The following PPM1E variants were observed in gnomAD, a reference collection of about 807,000 sequenced individuals.
PPM1E encodes protein phosphatase, Mg2+/Mn2+ dependent 1E.
A neutral mutation model predicts 65.9 loss-of-function variants in PPM1E; 20 were observed. That is an observed-to-expected ratio of 0.30 (90% CI 0.21 to 0.44). The LOEUF (loss-of-function observed/expected upper bound fraction) is 0.44, where lower values mean the gene tolerates loss of function less well. Ranked by LOEUF, PPM1E falls within the 20% of genes least tolerant of loss-of-function variation. The pLI is 1.00. For synonymous variants in PPM1E, 352 were observed against 374.9 expected (o/e 0.94, Z 0.70); for missense variants, 713 against 953.1 (o/e 0.75, Z 3.32).
At chr17:58,800,891 T>G (rs940111572) in intron 1 of PPM1E, among the ~76,000 whole-genome samples, 3 of 152,128 alleles carry the variant, frequency 2.0e-5, no homozygotes, top group Non-Finnish European at 4.4e-5. Flanking sequence ...CTTTTGGCTT[T>G]ATTAATTTTT....
Position 58,972,250 on chromosome 17 carries a change from T to C in PPM1E, c.1091T>C (p.Met364Thr), listed in dbSNP as rs769470350. 3 of 1,614,032 alleles carry C rather than the reference T, an allele frequency of 1.9e-6. No homozygotes were observed. The highest frequency in any genetic ancestry group is 2.7e-5 in the African/African-American group (2 of 74,940). ...LVRKGQAVEL[M>T]KPHKPDREDE... ...AGAAAGGGCCAAGCTGTTGAACTAATGAAGCCACACAAACCAGACAGAGAG... is the reference window on the plus strand; with the variant it reads ...AGAAAGGGCCAAGCTGTTGAACTAACGAAGCCACACAAACCAGACAGAGAG... The change falls in exon 5 of 7, where the codon ATG becomes ACG. Residue 364 changes from methionine to threonine, a missense_variant. Physicochemically the swap from Met to Thr is moderately conservative, Grantham distance 81. Coordinates refer to ENST00000308249, the MANE Select transcript of PPM1E (RefSeq NM_014906.5).
At chr17:58,955,617 C>G in intron 1 of PPM1E, 32 bp from the exon 2 acceptor site, 1 of 1,608,962 alleles carries the variant, frequency 6.2e-7, no homozygotes, top group Non-Finnish European at 8.5e-7. Flanking sequence ...AATTCTTTTG[C>G]TGAAAATGGC....
At chr17:58,950,115 A>G (rs2052215095) in intron 1 of PPM1E, among the ~76,000 whole-genome samples, 1 of 152,222 alleles carries the variant, frequency 6.6e-6, no homozygotes, top group Non-Finnish European at 1.5e-5. Flanking sequence ...TATTCCCAGC[A>G]CTTTGGAAGG....
intron 1 of PPM1E, among the ~76,000 whole-genome samples, chr17:58,828,002 C>T (rs1007973819): frequency 4.0e-5 from 6 of 151,070 alleles, no homozygotes; most frequent in South Asian, 2.1e-4. Context: ...GCAGATCACC[C>T]GAGGTCAGGA....
At chr17:58,788,478 A>G (rs2144238282) in intron 1 of PPM1E, among the ~76,000 whole-genome samples, 1 of 152,306 alleles carries the variant, frequency 6.6e-6, no homozygotes, top group East Asian at 1.9e-4. Context: ...TTCACATACT[A>G]TTGTGAGGGA....
At chr17:58,890,821 G>A (rs981714178) in intron 1 of PPM1E, among the ~76,000 whole-genome samples, 3 of 151,974 alleles carry the variant, frequency 2.0e-5, no homozygotes, top group African/African-American at 4.8e-5. Flanking sequence ...CTGTGTACAT[G>A]CCTTGTATAA....
At position 58,844,259 on chromosome 17, in the gene PPM1E, A is replaced by T. The variant is rs1344297967; in HGVS notation, c.464+87798A>T. Among the ~76,000 whole-genome samples the T allele has an allele frequency of 7.9e-5, 12 of 152,316 alleles. No individual in the cohort carries two copies. The South Asian group carries it at 2.5e-3, about 32-fold the overall frequency. The stretch of plus-strand genomic sequence containing the variant: ...GAAGATTTTCTAATATGATGAGTTG[A>T]TTTTAAAAGTTACCAATGTTTCTGG... On this transcript the variant is annotated intron_variant, in intron 1 of 6. Coordinates refer to ENST00000308249, the MANE Select transcript of PPM1E (RefSeq NM_014906.5).
chr17:58,823,654 T>TA (rs976821319), intron 1 of PPM1E, among the ~76,000 whole-genome samples: 12 of 152,160 alleles, frequency 7.9e-5, no homozygotes, highest in Admixed American at 3.9e-4. Context: ...ACAGGAAAGA[T>TA]AAAAAATAAA....
intron 1 of PPM1E, among the ~76,000 whole-genome samples, chr17:58,839,819 G>A (rs2143211401): frequency 6.6e-6 from 1 of 152,262 alleles, no homozygotes; most frequent in South Asian, 2.1e-4. Context: ...GAGGATACTA[G>A]AACAGCTCAT....
chr17:58,757,205 A>G (rs527848151), intron 1 of PPM1E, among the ~76,000 whole-genome samples: 1 of 152,354 alleles, frequency 6.6e-6, no homozygotes, highest in Admixed American at 6.5e-5. Context: ...TGAAAGAGCC[A>G]TAATTCATTA....
At chr17:58,843,697 G>A (rs2050743645) in intron 1 of PPM1E, among the ~76,000 whole-genome samples, 1 of 152,038 alleles carries the variant, frequency 6.6e-6, no homozygotes, top group African/African-American at 2.4e-5. Context: ...TGGGCATGGT[G>A]GTGTGTGCCC....
At chr17:58,900,510 A>T (rs2051485541) in intron 1 of PPM1E, among the ~76,000 whole-genome samples, 1 of 152,202 alleles carries the variant, frequency 6.6e-6, no homozygotes, top group Non-Finnish European at 1.5e-5. Flanking sequence ...CATTTTTTAG[A>T]CATCATGCTA....
At chr17:58,953,648 C>T (rs1184871289) in intron 1 of PPM1E, among the ~76,000 whole-genome samples, 2 of 152,104 alleles carry the variant, frequency 1.3e-5, no homozygotes, top group South Asian at 4.1e-4. Flanking sequence ...ATCATCCATA[C>T]ATTTGCAACT....
chr17:58,860,927 A>T (rs1406701824), intron 1 of PPM1E, among the ~76,000 whole-genome samples: 1 of 151,242 alleles, frequency 6.6e-6, no homozygotes, highest in Non-Finnish European at 1.5e-5. Context: ...ACAGAGTGAG[A>T]CTCCGTCTTA....
At chr17:58,867,199 C>T (rs1291012010) in intron 1 of PPM1E, among the ~76,000 whole-genome samples, 1 of 152,112 alleles carries the variant, frequency 6.6e-6, no homozygotes, top group Non-Finnish European at 1.5e-5. Flanking sequence ...CAGGCGGTCT[C>T]GAACTCCTGA....
intron 1 of PPM1E, among the ~76,000 whole-genome samples, chr17:58,823,503 G>A (rs1598593227): frequency 6.6e-6 from 1 of 152,116 alleles, no homozygotes. Flanking sequence ...TGAATCTTAT[G>A]CATCTATAGT....
chr17:58,784,741 T>A (rs1412309874), intron 1 of PPM1E, among the ~76,000 whole-genome samples: 2 of 152,068 alleles, frequency 1.3e-5, no homozygotes, highest in Non-Finnish European at 2.9e-5. Context: ...GCCAGGATGG[T>A]CTCTATCTCC....
At chr17:58,909,959 G>A (rs578125517) in intron 1 of PPM1E, among the ~76,000 whole-genome samples, 3 of 114,916 alleles carry the variant, frequency 2.6e-5, no homozygotes, top group African/African-American at 1.0e-4. Context: ...CTGGAGTGCA[G>A]TGGTGCTATC....
At chr17:58,840,362 TG>T (rs2050706365) in intron 1 of PPM1E, among the ~76,000 whole-genome samples, 1 of 152,236 alleles carries the variant, frequency 6.6e-6, no homozygotes, top group East Asian at 1.9e-4. Context: ...ATAGGCTATC[TG>T]GCATGGCCTA....
Sources: gnomAD v4.1 joint callset for allele counts (sites outside exome capture counted in the v4.1 genomes callset) on GRCh38, gnomAD v4.1.1 for gene constraint, MANE v1.5 for transcripts, NCBI Gene and HGNC (gene_info 2026-07-23, HGNC 2026-07-21) for gene names.